The following ZFHX3 variants were observed in gnomAD, a reference collection of about 807,000 sequenced individuals.
The protein encoded by ZFHX3 is zinc finger homeobox protein 3.
ZFHX3 carries 42 observed loss-of-function variants against 279.1 expected under a neutral mutation model. That is an observed-to-expected ratio of 0.15 (90% CI 0.12 to 0.19). The LOEUF is 0.19. Ranked by LOEUF, ZFHX3 falls within the 10% of genes least tolerant of loss-of-function variation. ZFHX3 has a pLI of 1.00. For missense variants in ZFHX3, 4,981 were observed against 4,754.0 expected (o/e 1.05, Z -1.40); for synonymous variants, 2,293 against 1,957.8 (o/e 1.17, Z -4.52).
At chr16:73,248,433 T>C (rs1597242122) in intron 5 of ZFHX3, among the ~76,000 whole-genome samples, 6 of 152,008 alleles carry the variant, frequency 3.9e-5, no homozygotes, top group African/African-American at 1.4e-4. Flanking sequence ...TGTCTTTGTG[T>C]CTATGTGCCT....
chr16:72,848,012 G>A (rs2037522335), intron 4 of ZFHX3, among the ~76,000 whole-genome samples: 1 of 152,166 alleles, frequency 6.6e-6, no homozygotes, highest in Non-Finnish European at 1.5e-5. Context: ...CTTAGCTGCT[G>A]CCTTTTACAG....
chr16:72,798,135 T>A lies in ZFHX3; in HGVS notation c.4547A>T (p.Asp1516Val). 6.2e-7 allele frequency: 1 copy of A among 1,614,110 alleles called. No homozygotes were observed. The highest frequency in any genetic ancestry group is 8.5e-7 in the Non-Finnish European group (1 of 1,180,034). The change falls in exon 9 of 10, where the codon GAC becomes GTC. Residue 1516 changes from aspartate (D) to valine (V), a missense_variant. Asp to Val is a radical substitution (Grantham distance 152, BLOSUM62 -3). Around this residue, in one of 7 missense-constraint regions of ZFHX3, gnomAD observed 1,751 missense variants for 1,770.0 expected, o/e 0.99. Transcript: ENST00000268489. ...TGSDSGSVQE[D>V]SGSEPKRALP... ...AGCTCTCTTTGGCTCTGAGCCCGAG[T>A]CTTCTTGTACTGACCCAGAGTCACT...
At chr16:73,717,854 G>A (rs1327720097) in intron 1 of ZFHX3, among the ~76,000 whole-genome samples, 1 of 152,120 alleles carries the variant, frequency 6.6e-6, no homozygotes, top group Non-Finnish European at 1.5e-5. Context: ...TTCCAGAACT[G>A]CACAATTACC....
chr16:72,814,871 T>A (rs1267720430), intron 5 of ZFHX3, among the ~76,000 whole-genome samples: 2 of 152,182 alleles, frequency 1.3e-5, no homozygotes, highest in Non-Finnish European at 2.9e-5. Flanking sequence ...AAGTGGATAT[T>A]AGCCACCTGC....
At chr16:72,824,440 A>G (rs543870429) in intron 5 of ZFHX3, among the ~76,000 whole-genome samples, 2 of 152,352 alleles carry the variant, frequency 1.3e-5, no homozygotes, top group East Asian at 1.9e-4. Context: ...AGAAAAATGA[A>G]AACACTCAAA....
At chr16:72,902,932 C>T (rs977914381) in intron 3 of ZFHX3, among the ~76,000 whole-genome samples, 15 of 152,140 alleles carry the variant, frequency 9.9e-5, no homozygotes, top group African/African-American at 3.6e-4. Flanking sequence ...GGCTGATGTC[C>T]AAGTTTCTGA....
intron 1 of ZFHX3, among the ~76,000 whole-genome samples, chr16:73,830,410 C>A (rs1048104290): frequency 6.6e-6 from 1 of 152,054 alleles, no homozygotes; most frequent in African/African-American, 2.4e-5. Flanking sequence ...TGTTCCTATT[C>A]GGCCATCTTG....
chr16:73,781,671 C>G (rs1213138781), intron 1 of ZFHX3, among the ~76,000 whole-genome samples: 2 of 152,200 alleles, frequency 1.3e-5, no homozygotes, highest in African/African-American at 2.4e-5. Context: ...CTGGAAGAAA[C>G]CATCTTTAAC....
At chr16:72,917,076 A>C (rs1481421990) in intron 3 of ZFHX3, among the ~76,000 whole-genome samples, 2 of 151,788 alleles carry the variant, frequency 1.3e-5, no homozygotes, top group African/African-American at 4.8e-5. Flanking sequence ...CCATCGCTAC[A>C]AAAAAAACAC....
At chr16:73,605,956 G>A (rs371768200) in intron 2 of ZFHX3, among the ~76,000 whole-genome samples, 7 of 151,942 alleles carry the variant, frequency 4.6e-5, no homozygotes, top group South Asian at 4.2e-4. Flanking sequence ...AGACCGAGGC[G>A]GGCGGATCAC....
At position 73,413,985 on chromosome 16, in the gene ZFHX3, A is replaced by G. The variant is rs1470901506; in HGVS notation, c.-1291+42018T>C. Among the ~76,000 whole-genome samples the G allele has an allele frequency of 4.6e-5, 7 of 152,372 alleles. No homozygotes were observed. In the East Asian group the frequency reaches 1.2e-3, roughly 25 times the overall value. ...CCTCCCTTGGTAAATCCCAACACCCATACAAATGATCAAAGGCCCTGACAA... is the reference window on the plus strand; with the variant it reads ...CCTCCCTTGGTAAATCCCAACACCCGTACAAATGATCAAAGGCCCTGACAA... On this transcript the variant is annotated intron_variant, in intron 3 of 17. Coordinates refer to the ZFHX3 transcript ENST00000641206.
At chr16:73,406,058 GTC>G (rs2143446255) in intron 3 of ZFHX3, among the ~76,000 whole-genome samples, 1 of 152,344 alleles carries the variant, frequency 6.6e-6, no homozygotes, top group East Asian at 1.9e-4. Context: ...ACATTCTATC[GTC>G]TCTAGGAGGA....
chr16:73,377,607 T>G (rs2016743593), intron 3 of ZFHX3, among the ~76,000 whole-genome samples: 1 of 152,038 alleles, frequency 6.6e-6, no homozygotes, highest in African/African-American at 2.4e-5. Flanking sequence ...TACTTGGTAC[T>G]CAGCCGTATG....
intron 1 of ZFHX3, among the ~76,000 whole-genome samples, chr16:73,763,308 T>A (rs1475834266): frequency 6.6e-6 from 1 of 152,194 alleles, no homozygotes; most frequent in Non-Finnish European, 1.5e-5. Context: ...ATGAAAGCAA[T>A]TTTGAAAAAC....
At chr16:73,322,744 G>C (rs2015602225) in intron 3 of ZFHX3, among the ~76,000 whole-genome samples, 1 of 152,152 alleles carries the variant, frequency 6.6e-6, no homozygotes. Flanking sequence ...CCTATTTACT[G>C]AACGCCCACT....
At chr16:73,369,868 A>G (rs1567463238) in intron 3 of ZFHX3, among the ~76,000 whole-genome samples, 1 of 151,512 alleles carries the variant, frequency 6.6e-6, no homozygotes, top group Non-Finnish European at 1.5e-5. Context: ...CTGTCTCTCA[A>G]CTATTACAGT....
chr16:73,617,978 C>A (rs1417942932), intron 2 of ZFHX3, among the ~76,000 whole-genome samples: 2 of 152,208 alleles, frequency 1.3e-5, no homozygotes, highest in African/African-American at 4.8e-5. Context: ...CATTGGCCTA[C>A]ACTGCAATAG....
chr16:73,667,674 A>T (rs2052858663), intron 2 of ZFHX3, among the ~76,000 whole-genome samples: 1 of 152,210 alleles, frequency 6.6e-6, no homozygotes, highest in South Asian at 2.1e-4. Context: ...TACCAACAGG[A>T]AGGATAACAA....
At chr16:73,246,567 C>A (rs2013286470) in intron 5 of ZFHX3, among the ~76,000 whole-genome samples, 1 of 152,120 alleles carries the variant, frequency 6.6e-6, no homozygotes, top group Admixed American at 6.5e-5. Context: ...TGAAGGGGGT[C>A]TTTCCCAGCT....
Sources: allele counts gnomAD v4.1 joint callset (sites outside exome capture counted in the v4.1 genomes callset), GRCh38; gene constraint gnomAD v4.1.1; regional missense constraint gnomAD v4.1.1; transcripts MANE v1.5; gene names NCBI Gene and HGNC (gene_info 2026-07-23, HGNC 2026-07-21).